GLIS1: variants seen among roughly 807,000 people sequenced by gnomAD.
GLIS1 encodes zinc finger protein GLIS1.
In GLIS1, 24 loss-of-function variants were observed where a neutral mutation model predicts 63.8. That is an observed-to-expected ratio of 0.38 (90% CI 0.27 to 0.53). The LOEUF (loss-of-function observed/expected upper bound fraction) is 0.53. GLIS1 is among the 20% of genes least tolerant of loss of function. The probability of loss-of-function intolerance (pLI) is 0.85; values close to 1 mark genes in which losing one functional copy is unlikely to be tolerated. For synonymous variants in GLIS1, 450 were observed against 482.5 expected, an observed-to-expected ratio of 0.93 and a Z score of 0.88; for missense variants, 1,036 against 1,074.1, an observed-to-expected ratio of 0.96 and a Z score of 0.50.
At chr1:53,638,800 G>T (rs1410005999) in intron 2 of GLIS1, among the ~76,000 whole-genome samples, 1 of 152,134 alleles carries the variant, frequency 6.6e-6, no homozygotes, top group East Asian at 1.9e-4. Context: ...ACCCTGGAGG[G>T]AGTGGCCGGG....
rs1368599440 is a variant in GLIS1 at position 53,709,341 on chromosome 1, CATATATACATATATATACATATACATAT to C, written c.259+28437_259+28464del. Among the ~76,000 whole-genome samples the C allele has an allele frequency of 3.3e-3, 432 of 132,258 alleles. 3 individuals carry two copies. Among genetic ancestry groups the C allele is most frequent in the African/African-American group, 0.013 (414 of 31,912 alleles). The allele number at this position is 132,258 out of a possible 152,430, so 86.8% of individuals were successfully genotyped here. ...CTGTATAAATATACACATATATATA[CATATATACATATATATACATATACATAT>C]ATATATACATATATACATATATATA... On this transcript the variant is annotated intron_variant, in intron 2 of 10. Transcript: ENST00000628545.
At chr1:53,568,107 C>T (rs770874298) in intron 4 of GLIS1, among the ~76,000 whole-genome samples, 8 of 152,198 alleles carry the variant, frequency 5.3e-5, no homozygotes, top group South Asian at 4.1e-4. Flanking sequence ...AAAGCAGCCG[C>T]GGGGGCTGTA....
chr1:53,670,714 T>A (rs143534874), intron 2 of GLIS1, among the ~76,000 whole-genome samples: 273 of 152,318 alleles, frequency 1.8e-3, no homozygotes, highest in Middle Eastern at 0.01. Context: ...CTAACCAGAC[T>A]CTAGTCTAAC....
chr1:53,509,711 TTC>T (rs1557938357), intron 9 of GLIS1, 136 bp downstream of exon 9: 1 of 502,692 alleles, frequency 2.0e-6, no homozygotes, highest in East Asian at 3.5e-5. Context: ...GTCTCCTAGC[TTC>T]TCTCAGCCCC....
chr1:53,664,301 C>T (rs1304717817), intron 2 of GLIS1, among the ~76,000 whole-genome samples: 1 of 152,216 alleles, frequency 6.6e-6, no homozygotes, highest in Non-Finnish European at 1.5e-5. Context: ...CTCCAGGAAG[C>T]CCTACCGGAT....
rs1040803695 is a variant in GLIS1, at chr1:53,639,819, G to A, written c.260-39541C>T. ...GGACTATACTCCTCACAGCTGCCCC[G>A]AGGTTCTGCTTTGCCACTGAGGAAA... On this transcript the variant is annotated intron_variant, in intron 2 of 10. Transcript: ENST00000628545. The surrounding 1 kb of genome is among the most constrained non-coding windows in gnomAD (Gnocchi z 4.6). 6.6e-6 allele frequency among the ~76,000 whole-genome samples: 1 copy of A among 152,108 alleles called. No individual in the cohort carries two copies. Among genetic ancestry groups the A allele is most frequent in the Non-Finnish European group, 1.5e-5 (1 of 68,014 alleles).
At chr1:53,565,863 A>G (rs1291499403) in intron 4 of GLIS1, among the ~76,000 whole-genome samples, 3 of 152,152 alleles carry the variant, frequency 2.0e-5, no homozygotes, top group East Asian at 1.9e-4. Flanking sequence ...TAAAACCCCA[A>G]TATCAAAATC....
At chr1:53,689,710 A>C (rs1646381063) in intron 2 of GLIS1, among the ~76,000 whole-genome samples, 1 of 152,110 alleles carries the variant, frequency 6.6e-6, no homozygotes, top group South Asian at 2.1e-4. Context: ...GGCCCACAGT[A>C]ACAGCCTGAG....
At chr1:53,538,892 C>A (rs1364963324) in intron 4 of GLIS1, among the ~76,000 whole-genome samples, 2 of 152,118 alleles carry the variant, frequency 1.3e-5, no homozygotes, top group African/African-American at 4.8e-5. Context: ...AGGTGGCCGG[C>A]CAGCAAGGAT....
At chr1:53,651,478 A>G (rs183665411) in intron 2 of GLIS1, among the ~76,000 whole-genome samples, 13 of 152,256 alleles carry the variant, frequency 8.5e-5, no homozygotes, top group African/African-American at 2.6e-4. Flanking sequence ...ACAAAACTTG[A>G]GACCCAAATC....
intron 4 of GLIS1, among the ~76,000 whole-genome samples, chr1:53,540,478 G>C (rs1644632163): frequency 1.3e-5 from 2 of 152,182 alleles, no homozygotes; most frequent in African/African-American, 4.8e-5. Context: ...GTGAGCCTCA[G>C]TGTTCTACTT....
At chr1:53,701,648 AC>A (rs879595982) in intron 2 of GLIS1, among the ~76,000 whole-genome samples, 1 of 152,140 alleles carries the variant, frequency 6.6e-6, no homozygotes, top group Non-Finnish European at 1.5e-5. Flanking sequence ...AACCACCAGG[AC>A]CCTCTGCCTC....
chr1:53,694,286 T>A (rs1646440784), intron 2 of GLIS1, among the ~76,000 whole-genome samples: 1 of 152,050 alleles, frequency 6.6e-6, no homozygotes, highest in African/African-American at 2.4e-5. Context: ...AGAGAAGACA[T>A]CAGCAAAGCA....
chr1:53,666,138 A>C (rs1646088799), intron 2 of GLIS1, among the ~76,000 whole-genome samples: 1 of 152,198 alleles, frequency 6.6e-6, no homozygotes, highest in Non-Finnish European at 1.5e-5. Context: ...TAGCTGGCTC[A>C]AGGACCTCTG....
intron 2 of GLIS1, among the ~76,000 whole-genome samples, chr1:53,624,548 T>C (rs1467967617): frequency 1.3e-5 from 2 of 152,018 alleles, no homozygotes; most frequent in Non-Finnish European, 2.9e-5. Context: ...TCTCTTTTTT[T>C]TTTTTTTAAA....
At chr1:53,588,547 C>T (rs760865134) in intron 4 of GLIS1, among the ~76,000 whole-genome samples, 2 of 152,150 alleles carry the variant, frequency 1.3e-5, no homozygotes, top group South Asian at 2.1e-4. Flanking sequence ...ATGAACTGGC[C>T]GACCTGCCAC....
intron 4 of GLIS1, among the ~76,000 whole-genome samples, chr1:53,561,462 C>G (rs991873414): frequency 6.6e-6 from 1 of 152,226 alleles, no homozygotes; most frequent in African/African-American, 2.4e-5. Context: ...CAAACAGGCA[C>G]TGTATGTCTT....
intron 4 of GLIS1, among the ~76,000 whole-genome samples, chr1:53,571,649 T>C (rs1644985318): frequency 6.6e-6 from 1 of 152,130 alleles, no homozygotes; most frequent in South Asian, 2.1e-4. Flanking sequence ...CGATCTGGGC[T>C]CGCTGCAAGC....
intron 6 of GLIS1, among the ~76,000 whole-genome samples, chr1:53,523,229 C>G (rs1644429695): frequency 6.6e-6 from 1 of 152,072 alleles, no homozygotes; most frequent in South Asian, 2.1e-4. Flanking sequence ...GGTGTTTCAC[C>G]AGAAAGCTCA....
Sources: gnomAD v4.1 joint callset for allele counts (sites outside exome capture counted in the v4.1 genomes callset) on GRCh38, gnomAD v4.1.1 for gene constraint, Gnocchi (gnomAD v3.1) non-coding constraint, MANE v1.5 for transcripts, NCBI Gene and HGNC (gene_info 2026-07-23, HGNC 2026-07-21) for gene names.